CRYBG1: variants seen among roughly 807,000 people sequenced by gnomAD.
CRYBG1 encodes crystallin beta-gamma domain containing 1.
A neutral mutation model predicts 189.2 loss-of-function variants in CRYBG1; 139 were observed. The observed-to-expected ratio is 0.73, with a 90% CI of 0.64 to 0.85. CRYBG1 has a LOEUF of 0.85. CRYBG1 is among the 40% of genes least tolerant of loss of function. The probability of loss-of-function intolerance (pLI) is 0.00; values close to 1 mark genes in which losing one functional copy is unlikely to be tolerated. For synonymous variants in CRYBG1, 1,023 were observed against 1,017.1 expected, an observed-to-expected ratio of 1.01 and a Z score of -0.11; for missense variants, 2,611 against 2,675.8, an observed-to-expected ratio of 0.98 and a Z score of 0.53.
chr6:106,468,499 A>C (rs1057239262), intron 2 of CRYBG1, among the ~76,000 whole-genome samples: 10 of 152,228 alleles, frequency 6.6e-5, no homozygotes, highest in African/African-American at 2.4e-4. Context: ...CTATCTTCTT[A>C]TTTAACACAA....
At chr6:106,385,926 T>C (rs1389087421) in intron 1 of CRYBG1, among the ~76,000 whole-genome samples, 1 of 152,152 alleles carries the variant, frequency 6.6e-6, no homozygotes, top group Admixed American at 6.5e-5. Context: ...GCAGGCCCAT[T>C]TGATGATGTG....
chr6:106,484,756 C>G (rs757382084), intron 2 of CRYBG1, among the ~76,000 whole-genome samples: 1 of 152,040 alleles, frequency 6.6e-6, no homozygotes, highest in East Asian at 1.9e-4. Flanking sequence ...GAAGCCAAGA[C>G]GGGAGGATCA....
Position 106,519,898 on chromosome 6 carries a change from TC to T in CRYBG1, c.2693del (p.Pro898HisfsTer5), listed in dbSNP as rs1196667509. On this transcript the variant is annotated frameshift_variant, in exon 4 of 22. Transcript: ENST00000633556. LOFTEE classifies it high-confidence loss of function. Reference protein sequence around the residue: ...DTCVQSPISSFPCTDLKVSEN... With the variant: ...DTCVQSPISSXPCTDLKVSEN... ...TGTGTTCAATCACCCATAAGCAGTT[TC>T]CCATGCACTGATCTAAAAGTGTCAG... 1 of 1,614,076 alleles carries T rather than the reference TC, an allele frequency of 6.2e-7. No homozygotes were observed. The highest frequency in any genetic ancestry group is 1.3e-5 in the African/African-American group (1 of 74,922).
At chr6:106,475,341 C>T (rs1014725964) in intron 2 of CRYBG1, among the ~76,000 whole-genome samples, 4 of 152,048 alleles carry the variant, frequency 2.6e-5, no homozygotes, top group African/African-American at 7.2e-5. Context: ...CAAATGTACA[C>T]GAAAAAGTTA....
chr6:106,419,243 GA>G (rs1186902030), intron 1 of CRYBG1, among the ~76,000 whole-genome samples: 1 of 152,212 alleles, frequency 6.6e-6, no homozygotes, highest in African/African-American at 2.4e-5. Flanking sequence ...GAAAAGAAAT[GA>G]TTTGGAGGCT....
At chr6:106,567,677 C>T (rs1352844726) in intron 21 of CRYBG1, among the ~76,000 whole-genome samples, 2 of 144,288 alleles carry the variant, frequency 1.4e-5, no homozygotes, top group Non-Finnish European at 3.0e-5. Flanking sequence ...CTTTATTCTA[C>T]ACTGGAAAAA....
chr6:106,369,383 G>C (rs960616994), intron 1 of CRYBG1, among the ~76,000 whole-genome samples: 29 of 152,190 alleles, frequency 1.9e-4, no homozygotes, highest in African/African-American at 7.0e-4. Context: ...TGCTGGTTGT[G>C]TTTATTGTTT....
intron 4 of CRYBG1, among the ~76,000 whole-genome samples, chr6:106,524,817 T>A (rs1433628163): frequency 1.3e-5 from 2 of 152,222 alleles, no homozygotes; most frequent in Admixed American, 6.5e-5. Context: ...TGAATTAGAA[T>A]CTCTTAGCTG....
Position 106,519,514 on chromosome 6 carries a change from G to T in CRYBG1, c.2306G>T (p.Gly769Val). The T allele has an allele frequency of 6.2e-7, 1 of 1,614,114 alleles. No homozygotes were observed. Among genetic ancestry groups the T allele is most frequent in the Non-Finnish European group, 8.5e-7 (1 of 1,180,002 alleles). Residue 769 changes from glycine (G) to valine (V), a missense_variant, in exon 4 of 22, where the codon GGA becomes GTA. This residue lies in a region of CRYBG1 where 1,622 missense variants were observed against 1,735.0 expected (regional missense o/e 0.93). Coordinates refer to ENST00000633556, the MANE Select transcript of CRYBG1 (RefSeq NM_001371242.2). ...CTGCCAGCAACCAGAGGAATGAATG[G>T]AGACTCTTCTGAGAATCAAGCTCTT... ...EILPATRGMNGDSSENQALGP... is the reference protein window; with the variant it reads ...EILPATRGMNVDSSENQALGP...
intron 1 of CRYBG1, among the ~76,000 whole-genome samples, chr6:106,441,771 C>A (rs1291147084): frequency 6.6e-6 from 1 of 152,054 alleles, no homozygotes; most frequent in African/African-American, 2.4e-5. Flanking sequence ...TATTAATCAC[C>A]AGACAACTAG....
chr6:106,541,689 T>C (rs906361179), intron 10 of CRYBG1, 68 bp downstream of exon 10: 4 of 1,070,672 alleles, frequency 3.7e-6, no homozygotes, highest in Non-Finnish European at 5.5e-6. Flanking sequence ...CATATATATG[T>C]ACTTAATGTT....
Position 106,512,355 on chromosome 6 carries a change from C to T in CRYBG1, c.1238C>T (p.Ser413Phe). The change falls in exon 3 of 22, where the codon TCC becomes TTC. Residue 413 changes from serine (S) to phenylalanine (F), a missense_variant. Physicochemically the swap from Ser to Phe is radical, Grantham distance 155. This residue lies in a region of CRYBG1 where 985 missense variants were observed against 924.4 expected (regional missense o/e 1.07). Transcript: ENST00000633556. ...GACTGGGACGACATGGAGAAGAGGT[C>T]CAGCGGCCGTAGGTCGGGGAGGCGG... ...CGDWDDMEKR[S>F]SGRRSGRRRG... 1.2e-6 allele frequency: 2 copies of T among 1,611,244 alleles called. No homozygotes were observed. The highest frequency in any genetic ancestry group is 1.7e-6 in the Non-Finnish European group (2 of 1,179,362).
At chr6:106,445,341 C>G (rs1771646457) in intron 1 of CRYBG1, among the ~76,000 whole-genome samples, 1 of 152,148 alleles carries the variant, frequency 6.6e-6, no homozygotes, top group African/African-American at 2.4e-5. Flanking sequence ...GTTCTCTACT[C>G]CTAACTCTGT....
At chr6:106,424,628 AT>A (rs1438855430) in intron 1 of CRYBG1, among the ~76,000 whole-genome samples, 2 of 151,950 alleles carry the variant, frequency 1.3e-5, no homozygotes, top group Non-Finnish European at 2.9e-5. Context: ...TGCCCAGCTA[AT>A]TTTTGTATTA....
intron 2 of CRYBG1, among the ~76,000 whole-genome samples, chr6:106,459,550 T>G (rs1450323797): frequency 6.6e-6 from 1 of 151,560 alleles, no homozygotes; most frequent in East Asian, 1.9e-4. Context: ...TGTGGGTTTT[T>G]TTTTTTTTTT....
At chr6:106,558,660 T>C in intron 18 of CRYBG1, 35 bp downstream of exon 18, 1 of 1,548,660 alleles carries the variant, frequency 6.5e-7, no homozygotes, top group Non-Finnish European at 8.7e-7. Context: ...ATAAAATAGA[T>C]CATTTTAAAA....
chr6:106,552,551 C>G, intron 15 of CRYBG1, among the ~76,000 whole-genome samples: 1 of 124,788 alleles, frequency 8.0e-6, no homozygotes, highest in Non-Finnish European at 1.6e-5. Context: ...CGCACCACTG[C>G]ACTCCAGCCT....
chr6:106,478,362 G>A (rs1444836475), intron 2 of CRYBG1, among the ~76,000 whole-genome samples: 1 of 152,208 alleles, frequency 6.6e-6, no homozygotes, highest in African/African-American at 2.4e-5. Flanking sequence ...GGCTCAGACT[G>A]ATGACAGCTA....
At chr6:106,400,677 GA>G (rs778333317) in intron 1 of CRYBG1, among the ~76,000 whole-genome samples, 1 of 152,112 alleles carries the variant, frequency 6.6e-6, no homozygotes, top group Non-Finnish European at 1.5e-5. Flanking sequence ...CCAGAAGTAA[GA>G]AAAAATGAAT....
Sources: allele counts gnomAD v4.1 joint callset (sites outside exome capture counted in the v4.1 genomes callset), GRCh38; gene constraint gnomAD v4.1.1; regional missense constraint gnomAD v4.1.1; transcripts MANE v1.5; gene names NCBI Gene and HGNC (gene_info 2026-07-23, HGNC 2026-07-21).